The following CCDC30 variants were observed in gnomAD, a reference collection of about 807,000 sequenced individuals.
CCDC30 encodes the protein coiled-coil domain containing 30, also known as coiled-coil domain-containing protein 30.
Under a neutral mutation model 100.2 loss-of-function variants are expected in CCDC30, and 70 were observed. The ratio of observed to expected loss-of-function variants is 0.70; its 90% CI spans 0.58 to 0.85. The LOEUF (loss-of-function observed/expected upper bound fraction) is 0.85, where lower values mean the gene tolerates loss of function less well. Ranked by LOEUF, CCDC30 falls within the 40% of genes least tolerant of loss-of-function variation. The probability of loss-of-function intolerance (pLI) is 0.00; values close to 1 mark genes in which losing one functional copy is unlikely to be tolerated. For synonymous variants in CCDC30, 233 were observed against 269.5 expected, an observed-to-expected ratio of 0.86 and a Z score of 1.33; for missense variants, 652 against 771.2, an observed-to-expected ratio of 0.85 and a Z score of 1.83.
intron 2 of CCDC30, among the ~76,000 whole-genome samples, chr1:42,481,632 A>G (rs539874575): frequency 1.7e-3 from 259 of 151,726 alleles, no homozygotes; most frequent in Non-Finnish European, 3.3e-3. Context: ...TTTTATTTAC[A>G]AATATGTTTG....
chr1:42,592,419 T>C (rs1646204293), intron 10 of CCDC30: 1 of 152,214 alleles, frequency 6.6e-6, no homozygotes, highest in Non-Finnish European at 1.5e-5. Context: ...TTTGAAAGTA[T>C]GTAGCCAGGC....
At chr1:42,580,950 A>T (rs1045040560) in intron 8 of CCDC30, 1 of 443,682 alleles carries the variant, frequency 2.3e-6, no homozygotes, top group Admixed American at 2.5e-5. Flanking sequence ...AAACAAACAA[A>T]TACTCAGCTT....
chr1:42,496,371 C>G (rs1004757811), intron 4 of CCDC30, among the ~76,000 whole-genome samples: 7 of 152,044 alleles, frequency 4.6e-5, no homozygotes, highest in Non-Finnish European at 8.8e-5. Context: ...CTCTAGAACT[C>G]TACTTCAGAG....
chr1:42,482,089 G>A (rs941038945), intron 2 of CCDC30, among the ~76,000 whole-genome samples: 3 of 151,772 alleles, frequency 2.0e-5, no homozygotes, highest in Non-Finnish European at 2.9e-5. Flanking sequence ...GTGGTGGTGC[G>A]TGCCTAAAAT....
At chr1:42,572,944 A>G (rs1296197035) in intron 7 of CCDC30, among the ~76,000 whole-genome samples, 1 of 152,140 alleles carries the variant, frequency 6.6e-6, no homozygotes, top group Non-Finnish European at 1.5e-5. Flanking sequence ...TGAGATCCCT[A>G]TTCTGTTCCA....
chr1:42,456,498 AG>A, the CCDC30 span: 1 of 1,408,192 alleles, frequency 7.1e-7, no homozygotes, highest in Non-Finnish European at 9.3e-7. Context: ...CGCGTACACC[AG>A]GTAGGCGAGA....
At chr1:42,509,030 G>A (rs1569856593) in intron 6 of CCDC30, among the ~76,000 whole-genome samples, 1 of 152,160 alleles carries the variant, frequency 6.6e-6, no homozygotes, top group Non-Finnish European at 1.5e-5. Context: ...CCTCACAGGT[G>A]AAACCAACCA....
rs550234508 is a variant in CCDC30 at position 42,601,382 on chromosome 1, C to A, written c.1165-9596C>A. Among the ~76,000 whole-genome samples the A allele has an allele frequency of 7.9e-5, 12 of 152,226 alleles. No individual in the cohort carries two copies. The East Asian group carries it at 2.3e-3, about 29-fold the overall frequency. On this transcript the variant is annotated intron_variant, in intron 10 of 16. Coordinates refer to ENST00000668663, the Ensembl canonical transcript of CCDC30. Reference sequence around the variant, plus strand: ...AAGAGAGGGGATTGGGACTAACAACCCCAGCCCACAAAATCGTGCTATTTA... The same window carrying A: ...AAGAGAGGGGATTGGGACTAACAACACCAGCCCACAAAATCGTGCTATTTA...
intron 6 of CCDC30, 113 bp downstream of exon 7, chr1:42,536,714 C>A: frequency 1.4e-6 from 1 of 731,540 alleles, no homozygotes; most frequent in South Asian, 2.0e-5. Context: ...CTGCCATAAC[C>A]AAACACCACA....
chr1:42,477,418 C>T (rs904295786), intron 1 of CCDC30, among the ~76,000 whole-genome samples: 1 of 151,988 alleles, frequency 6.6e-6, no homozygotes, highest in Non-Finnish European at 1.5e-5. Flanking sequence ...TTAGTAAAGA[C>T]GGGGTTTCAC....
At chr1:42,482,891 G>C (rs1479950073) in intron 3 of CCDC30, 75 bp downstream of exon 3, 2 of 681,196 alleles carry the variant, frequency 2.9e-6, no homozygotes, top group Non-Finnish European at 3.9e-6. Flanking sequence ...TGGAACATGA[G>C]AAAAAAAAAA....
chr1:42,614,020 G>A (rs992287382), intron 11 of CCDC30, among the ~76,000 whole-genome samples: 1 of 151,290 alleles, frequency 6.6e-6, no homozygotes, highest in African/African-American at 2.4e-5. Flanking sequence ...CCACATCCTC[G>A]TTAGCATTGA....
chr1:42,533,461 T>C (rs1273036452), intron 6 of CCDC30, among the ~76,000 whole-genome samples: 1 of 152,192 alleles, frequency 6.6e-6, no homozygotes, highest in African/African-American at 2.4e-5. Flanking sequence ...TCCCATTACA[T>C]ATTTGTGAGA....
rs147046636 is a variant in CCDC30 at position 42,579,559 on chromosome 1, G to A, written c.847-1801G>A. On this transcript the variant is annotated intron_variant, in intron 8 of 16. Transcript: ENST00000668663. ...TGAGGCAGGAGAACTGTTTGAACCC[G>A]GGAGGTGGAGGTTGCAGTGAGCTGA... is the stretch of plus-strand genomic sequence containing the variant. Among the ~76,000 whole-genome samples the A allele has an allele frequency of 5.4e-3, 828 of 151,998 alleles. 8 individuals are homozygous for A. Among genetic ancestry groups the A allele is most frequent in the African/African-American group, 0.019 (774 of 41,466 alleles).
At chr1:42,636,143 C>T (rs1016443503) in intron 11 of CCDC30, among the ~76,000 whole-genome samples, 6 of 151,580 alleles carry the variant, frequency 4.0e-5, no homozygotes, top group South Asian at 4.2e-4. Context: ...AGTCCAGATT[C>T]ACTGGGTGGC....
intron 6 of CCDC30, among the ~76,000 whole-genome samples, chr1:42,548,748 T>G (rs989786997): frequency 6.6e-6 from 1 of 152,128 alleles, no homozygotes; most frequent in African/African-American, 2.4e-5. Flanking sequence ...ATGGGTGGTC[T>G]CTATGGGACT....
chr1:42,579,157 A>G (rs1016120752), intron 8 of CCDC30, among the ~76,000 whole-genome samples: 1 of 151,884 alleles, frequency 6.6e-6, no homozygotes, highest in Admixed American at 6.6e-5. Context: ...TGCCCAGCTA[A>G]TTTTTGTACT....
At chr1:42,500,256 T>C (rs1239780411) in intron 6 of CCDC30, 4 of 1,609,944 alleles carry the variant, frequency 2.5e-6, no homozygotes, top group Non-Finnish European at 3.4e-6. Flanking sequence ...TGGAAGGCAG[T>C]GGATTTTTCT....
intron 6 of CCDC30, chr1:42,558,163 T>A (rs1645412206): frequency 3.4e-6 from 1 of 292,388 alleles, no homozygotes; most frequent in African/African-American, 2.2e-5. Flanking sequence ...AAAATGTAGA[T>A]GAGAAGAACT....
Sources: allele counts gnomAD v4.1 joint callset (sites outside exome capture counted in the v4.1 genomes callset), GRCh38; gene constraint gnomAD v4.1.1; transcripts MANE v1.5; gene names NCBI Gene and HGNC (gene_info 2026-07-23, HGNC 2026-07-21).